Variants in GPD2 observed in about 807,000 individuals in gnomAD.
GPD2 encodes the protein glycerol-3-phosphate dehydrogenase, mitochondrial.
A neutral mutation model predicts 82.4 loss-of-function variants in GPD2; 54 were observed. The ratio of observed to expected loss-of-function variants is 0.66; its 90% CI spans 0.53 to 0.82. GPD2 has a LOEUF of 0.82. GPD2 is among the 40% of genes least tolerant of loss of function. The pLI, the probability that GPD2 is intolerant of heterozygous loss-of-function variation, is 0.00. For synonymous variants in GPD2, 288 were observed against 306.1 expected, an observed-to-expected ratio of 0.94 and a Z score of 0.62; for missense variants, 748 against 896.2, an observed-to-expected ratio of 0.83 and a Z score of 2.11.
At position 156,549,209 on chromosome 2, in the gene GPD2, A is replaced by G. The variant is rs560259209; in HGVS notation, c.662-399A>G. ...AAATACTCATAAAAATTGTTCATCA[A>G]CACCAGTTGGGGTGTCAAATATTCT... On this transcript the variant is annotated intron_variant, in intron 6 of 16. Coordinates refer to ENST00000438166, the MANE Select transcript of GPD2 (RefSeq NM_000408.5). 2.6e-5 allele frequency among the ~76,000 whole-genome samples: 4 copies of G among 152,322 alleles called. 1 individual carries two copies. Among genetic ancestry groups the G allele is most frequent in the African/African-American group, 9.6e-5 (4 of 41,580 alleles).
intron 2 of GPD2, among the ~76,000 whole-genome samples, chr2:156,482,066 A>C (rs1375482715): frequency 6.6e-6 from 1 of 152,218 alleles, no homozygotes; most frequent in Non-Finnish European, 1.5e-5. Flanking sequence ...GGAAGCTTTC[A>C]AAAAGTGTTA....
At chr2:156,424,214 A>C in the GPD2 span, among the ~76,000 whole-genome samples, 2 of 150,588 alleles carry the variant, frequency 1.3e-5, no homozygotes, top group East Asian at 2.0e-4. Context: ...AAAAAAAAAA[A>C]CACTATAAAC....
chr2:156,484,975 G>T (rs1280994768), intron 2 of GPD2, among the ~76,000 whole-genome samples: 5 of 152,084 alleles, frequency 3.3e-5, no homozygotes, highest in African/African-American at 9.7e-5. Flanking sequence ...CTATGAGTTC[G>T]ACTATTTTAA....
At chr2:156,451,056 T>C (rs1682542571) in intron 1 of GPD2, among the ~76,000 whole-genome samples, 1 of 144,154 alleles carries the variant, frequency 6.9e-6, no homozygotes, top group African/African-American at 2.6e-5. Context: ...GTCTCCCATG[T>C]CTACTTCTTT....
chr2:156,433,727 A>G (rs925891756), upstream of GPD2, among the ~76,000 whole-genome samples: 2 of 152,228 alleles, frequency 1.3e-5, no homozygotes, highest in African/African-American at 4.8e-5. Context: ...GACTAGGACT[A>G]GTGGGGAAAA....
At chr2:156,487,723 A>C (rs1362469928) in intron 2 of GPD2, among the ~76,000 whole-genome samples, 1 of 152,118 alleles carries the variant, frequency 6.6e-6, no homozygotes, top group African/African-American at 2.4e-5. Flanking sequence ...TTCCTTCTCT[A>C]TCTACCCCAA....
At chr2:156,478,815 A>G (rs1683616091) in intron 2 of GPD2, among the ~76,000 whole-genome samples, 1 of 152,192 alleles carries the variant, frequency 6.6e-6, no homozygotes, top group Admixed American at 6.5e-5. Context: ...ATATTTACCT[A>G]CTGTATTTTT....
intron 2 of GPD2, among the ~76,000 whole-genome samples, chr2:156,484,353 T>C (rs1380441679): frequency 6.6e-6 from 1 of 151,798 alleles, no homozygotes; most frequent in Non-Finnish European, 1.5e-5. Flanking sequence ...GCCAGGCTGG[T>C]CTTGAACGCC....
Position 156,470,270 on chromosome 2 carries a change from T to C in GPD2, c.-8-5828T>C, listed in dbSNP as rs567450890. Among the ~76,000 whole-genome samples, 148 of 152,152 alleles carry C rather than the reference T, an allele frequency of 9.7e-4. 1 individual carries two copies. The South Asian group carries it at 0.028, about 29-fold the overall frequency. ...AGTGCAGTGGTATGATCATGGCTCA[T>C]TGAAGCCTTGACCTCCTGGGCACAC... On this transcript the variant is annotated intron_variant, in intron 1 of 16. Transcript: ENST00000438166.
the GPD2 span, among the ~76,000 whole-genome samples, chr2:156,407,645 C>G: frequency 6.6e-6 from 1 of 152,158 alleles, no homozygotes. Flanking sequence ...ACCATAATTA[C>G]CTGAGCCAGT....
chr2:156,439,876 AG>A (rs1284706049), intron 1 of GPD2, among the ~76,000 whole-genome samples: 2 of 151,500 alleles, frequency 1.3e-5, no homozygotes, highest in African/African-American at 4.9e-5. Flanking sequence ...AAATAAATAA[AG>A]TGTCAGATGG....
intron 6 of GPD2, among the ~76,000 whole-genome samples, chr2:156,531,756 C>T (rs1685868845): frequency 6.6e-6 from 1 of 152,124 alleles, no homozygotes; most frequent in Non-Finnish European, 1.5e-5. Flanking sequence ...TCTGAGGGCC[C>T]TCCACAACAC....
At chr2:156,453,478 G>T (rs539483299) in intron 1 of GPD2, among the ~76,000 whole-genome samples, 2 of 152,204 alleles carry the variant, frequency 1.3e-5, no homozygotes, top group African/African-American at 4.8e-5. Flanking sequence ...TGGAGTCTGC[G>T]GAGTTGATAT....
At chr2:156,409,818 G>A in the GPD2 span, among the ~76,000 whole-genome samples, 6 of 152,306 alleles carry the variant, frequency 3.9e-5, no homozygotes, top group East Asian at 1.2e-3. Flanking sequence ...ACCAGGTATG[G>A]TGGTTCATGC....
At chr2:156,462,276 TTTTTTTCTTTTTC>T (rs1270447268) in intron 1 of GPD2, among the ~76,000 whole-genome samples, 5 of 152,010 alleles carry the variant, frequency 3.3e-5, no homozygotes, top group Non-Finnish European at 2.9e-5. Context: ...TTTGACATTC[TTTTTTTCTTTTTC>T]TTTTTTCTTT....
At chr2:156,459,026 TAC>T (rs758271008) in intron 1 of GPD2, among the ~76,000 whole-genome samples, 1 of 118,872 alleles carries the variant, frequency 8.4e-6, no homozygotes, top group South Asian at 2.8e-4. Flanking sequence ...TATATATATA[TAC>T]ACACACACAA....
upstream of GPD2, among the ~76,000 whole-genome samples, chr2:156,431,696 G>T (rs1688318005): frequency 2.0e-5 from 3 of 152,022 alleles, no homozygotes; most frequent in Admixed American, 2.0e-4. Flanking sequence ...GCAAGACACA[G>T]GGCTAGAGAT....
In GPD2 at chr2:156,569,484, T is replaced by C. The variant is rs148048038; in HGVS notation, c.1422T>C (p.Asp474=). 1 of 1,613,098 alleles carries C rather than the reference T, an allele frequency of 6.2e-7. No homozygotes were observed. The highest frequency in any genetic ancestry group is 1.3e-5 in the African/African-American group (1 of 74,970). The change falls in exon 11 of 17, where the codon GAT becomes GAC. Residue 474 remains aspartate (D), a synonymous_variant. Transcript: ENST00000438166. ...TVGLFLQGGK[D]WSPTLYIRLV... ...GGCTTTTCCTTCAAGGGGGTAAAGA[T>C]TGGAGCCCCACACTCTACATTAGGC...
intron 6 of GPD2, among the ~76,000 whole-genome samples, chr2:156,513,741 TCA>T (rs1558936991): frequency 2.0e-5 from 3 of 152,240 alleles, no homozygotes; most frequent in Admixed American, 6.5e-5. Flanking sequence ...ACTTTGTGTC[TCA>T]TGGTTGGTTT....
Sources: allele counts gnomAD v4.1 joint callset (sites outside exome capture counted in the v4.1 genomes callset), GRCh38; gene constraint gnomAD v4.1.1; transcripts MANE v1.5; gene names NCBI Gene and HGNC (gene_info 2026-07-23, HGNC 2026-07-21).